Variants in CDH13 observed in about 807,000 individuals in gnomAD.
The protein encoded by CDH13 is cadherin-13.
Under a neutral mutation model 63.8 loss-of-function variants are expected in CDH13, and 24 were observed. That is an observed-to-expected ratio of 0.38 (90% CI 0.27 to 0.53). The LOEUF (loss-of-function observed/expected upper bound fraction) is 0.53. Ranked by LOEUF, CDH13 falls within the 20% of genes least tolerant of loss-of-function variation. The pLI is 0.85. For synonymous variants in CDH13, 503 were observed against 355.3 expected, an observed-to-expected ratio of 1.42 and a Z score of -4.67; for missense variants, 1,049 against 903.1, an observed-to-expected ratio of 1.16 and a Z score of -2.07.
intron 2 of CDH13, chr16:82,884,186 T>A (rs753141843): frequency 2.2e-4 from 101 of 455,936 alleles, no homozygotes; most frequent in South Asian, 5.7e-4. Context: ...ATAATACAGA[T>A]GTATTCTACT....
intron 6 of CDH13, among the ~76,000 whole-genome samples, chr16:83,381,069 C>A (rs1027017322): frequency 6.6e-6 from 1 of 152,042 alleles, no homozygotes; most frequent in African/African-American, 2.4e-5. Flanking sequence ...ATAAATTCTG[C>A]AATTATTGCT....
chr16:83,724,111 A>G (rs1910051875), intron 10 of CDH13, among the ~76,000 whole-genome samples: 1 of 150,706 alleles, frequency 6.6e-6, no homozygotes, highest in African/African-American at 2.5e-5. Context: ...TGATGAATGT[A>G]TGGGTGAGTG....
chr16:83,271,923 A>T (rs1460589469), intron 5 of CDH13, among the ~76,000 whole-genome samples: 4 of 152,214 alleles, frequency 2.6e-5, no homozygotes, highest in African/African-American at 9.7e-5. Context: ...CCATATGAAG[A>T]TCTTGTCACC....
chr16:82,714,920 C>G (rs189236598), intron 1 of CDH13, among the ~76,000 whole-genome samples: 3 of 122,356 alleles, frequency 2.5e-5, no homozygotes, highest in South Asian at 6.9e-4. Flanking sequence ...TGATTTCAGA[C>G]TTTTTGCCTC....
chr16:83,234,485 C>G (rs374634741), intron 5 of CDH13, among the ~76,000 whole-genome samples: 2 of 152,056 alleles, frequency 1.3e-5, no homozygotes, highest in African/African-American at 4.8e-5. Flanking sequence ...AGAGGGAAAC[C>G]CCTTGAGGTT....
intron 7 of CDH13, among the ~76,000 whole-genome samples, chr16:83,493,014 G>C (rs1369867827): frequency 1.3e-5 from 2 of 152,118 alleles, no homozygotes; most frequent in African/African-American, 2.4e-5. Context: ...TTTTGTTGTT[G>C]TTGTTGTTGT....
intron 2 of CDH13, among the ~76,000 whole-genome samples, chr16:82,864,987 C>A (rs576349516): frequency 1.3e-5 from 2 of 152,168 alleles, no homozygotes; most frequent in African/African-American, 4.8e-5. Flanking sequence ...ACAGGCCCCA[C>A]GCAAGTCCAA....
chr16:83,400,277 T>G (rs776184468), intron 6 of CDH13, among the ~76,000 whole-genome samples: 6 of 152,198 alleles, frequency 3.9e-5, no homozygotes, highest in African/African-American at 9.6e-5. Flanking sequence ...GTTGTAAATT[T>G]TCTCACAGTG....
intron 5 of CDH13, among the ~76,000 whole-genome samples, chr16:83,220,442 T>G (rs2039663828): frequency 6.6e-6 from 1 of 152,130 alleles, no homozygotes; most frequent in Admixed American, 6.6e-5. Context: ...ATGTGGTTCT[T>G]CAAAGAGGAG....
At chr16:83,123,574 TG>T (rs1245892542) in intron 3 of CDH13, among the ~76,000 whole-genome samples, 2 of 152,204 alleles carry the variant, frequency 1.3e-5, no homozygotes, top group African/African-American at 4.8e-5. Context: ...CCACTGCATC[TG>T]GCCCCACATT....
intron 2 of CDH13, among the ~76,000 whole-genome samples, chr16:82,889,831 TAAAGGGC>T: frequency 1.3e-5 from 2 of 152,216 alleles, no homozygotes; most frequent in African/African-American, 4.8e-5. Context: ...TACGTAAGTC[TAAAGGGC>T]ATGGTTGATT....
intron 4 of CDH13, among the ~76,000 whole-genome samples, chr16:83,147,433 C>A (rs1009164065): frequency 6.6e-6 from 1 of 152,142 alleles, no homozygotes; most frequent in African/African-American, 2.4e-5. Flanking sequence ...CCTCAGGGCT[C>A]CCTATGACGT....
intron 2 of CDH13, among the ~76,000 whole-genome samples, chr16:82,882,842 T>C (rs1218518086): frequency 6.6e-6 from 1 of 152,148 alleles, no homozygotes. Flanking sequence ...TCATGCCTAT[T>C]CTCCTTCTTG....
chr16:83,006,920 G>GTTT (rs1388258642), intron 2 of CDH13, among the ~76,000 whole-genome samples: 10,312 of 124,246 alleles, frequency 0.083, 955 homozygotes, highest in Non-Finnish European at 0.12. Context: ...TTGTTTGTTT[G>GTTT]TTTGTTTGTT....
intron 1 of CDH13, among the ~76,000 whole-genome samples, chr16:82,737,208 C>T (rs1477561227): frequency 6.6e-6 from 1 of 152,216 alleles, no homozygotes; most frequent in Non-Finnish European, 1.5e-5. Context: ...AGGAGTCAAA[C>T]TCATTCTGAC....
At chr16:82,656,072 G>C (rs16958022) in intron 1 of CDH13, among the ~76,000 whole-genome samples, 1 of 152,150 alleles carries the variant, frequency 6.6e-6, no homozygotes, top group Admixed American at 6.5e-5. Flanking sequence ...CTCTGATTTC[G>C]ATTTGGAAGT....
chr16:83,291,769 G>A (rs1356059220), intron 5 of CDH13, among the ~76,000 whole-genome samples: 3 of 152,094 alleles, frequency 2.0e-5, no homozygotes, highest in African/African-American at 4.8e-5. Flanking sequence ...TATGCCAACT[G>A]GGACTTTTGC....
chr16:83,263,617 G>A (rs541501389), intron 5 of CDH13, among the ~76,000 whole-genome samples: 55 of 152,304 alleles, frequency 3.6e-4, no homozygotes, highest in Middle Eastern at 3.4e-3. Flanking sequence ...TCGTGATGTG[G>A]TTTGGCCAAT....
At chr16:82,973,918 A>T (rs1254609063) in intron 2 of CDH13, among the ~76,000 whole-genome samples, 1 of 151,996 alleles carries the variant, frequency 6.6e-6, no homozygotes, top group Non-Finnish European at 1.5e-5. Context: ...CTCTCTAAGC[A>T]TTTTTGGTTT....
Sources: gnomAD v4.1 joint callset for allele counts (sites outside exome capture counted in the v4.1 genomes callset) on GRCh38, gnomAD v4.1.1 for gene constraint, MANE v1.5 for transcripts, NCBI Gene and HGNC (gene_info 2026-07-23, HGNC 2026-07-21) for gene names.